The following MYT1L variants were observed in gnomAD, a reference collection of about 807,000 sequenced individuals.
MYT1L encodes the protein myelin transcription factor 1-like protein.
In MYT1L, 12 loss-of-function variants were observed where a neutral mutation model predicts 126.7. That is an observed-to-expected ratio of 0.09 (90% CI 0.06 to 0.15). The LOEUF (loss-of-function observed/expected upper bound fraction) is 0.15. Ranked by LOEUF, MYT1L falls within the 10% of genes least tolerant of loss-of-function variation. MYT1L has a pLI of 1.00. For synonymous variants in MYT1L, 541 were observed against 604.2 expected (o/e 0.90, Z 1.53); for missense variants, 979 against 1,585.2 (o/e 0.62, Z 6.49).
intron 3 of MYT1L, among the ~76,000 whole-genome samples, chr2:2,130,608 A>G (rs573812495): frequency 1.7e-3 from 266 of 152,310 alleles, no homozygotes; most frequent in Non-Finnish European, 2.8e-3. Flanking sequence ...ATTTTAAAAA[A>G]AGTGAGATAG....
chr2:2,108,024 A>G (rs1417150994), intron 3 of MYT1L, among the ~76,000 whole-genome samples: 1 of 152,176 alleles, frequency 6.6e-6, no homozygotes, highest in Non-Finnish European at 1.5e-5. Context: ...AATAAACCTC[A>G]CTACCTGAGC....
chr2:2,257,027 T>C (rs2094831417), intron 2 of MYT1L, among the ~76,000 whole-genome samples: 1 of 152,194 alleles, frequency 6.6e-6, no homozygotes, highest in African/African-American at 2.4e-5. Flanking sequence ...TTGCTTCACC[T>C]GGAGAGCTTA....
At chr2:1,866,428 CAGAGAGAGAGAGTGGGAG>C (rs1225183229) in intron 18 of MYT1L, among the ~76,000 whole-genome samples, 13 of 136,254 alleles carry the variant, frequency 9.5e-5, no homozygotes, top group Non-Finnish European at 1.6e-4. Context: ...AGGAGGCAGG[CAGAGAGAGAGAGTGGGAG>C]AGAGAGAGAG....
chr2:2,091,996 A>T (rs1334220387), intron 3 of MYT1L, among the ~76,000 whole-genome samples: 2 of 152,164 alleles, frequency 1.3e-5, no homozygotes, highest in African/African-American at 4.8e-5. Flanking sequence ...GACCGCTACA[A>T]CTTTCCCCAT....
At chr2:1,824,797 C>G (rs2039075769) in intron 21 of MYT1L, 1 of 152,244 alleles carries the variant, frequency 6.6e-6, no homozygotes, top group Admixed American at 6.5e-5. Flanking sequence ...TCTTCTTATG[C>G]ATTTTACCAC....
chr2:2,287,680 A>G (rs146663998), intron 1 of MYT1L, among the ~76,000 whole-genome samples: 125 of 152,312 alleles, frequency 8.2e-4, no homozygotes, highest in Non-Finnish European at 1.5e-3. Flanking sequence ...TTTATTTCTC[A>G]GTAAGAGCTT....
At chr2:2,004,780 AGGC>A (rs2062994206) in intron 4 of MYT1L, among the ~76,000 whole-genome samples, 1 of 141,094 alleles carries the variant, frequency 7.1e-6, no homozygotes, top group African/African-American at 2.7e-5. Context: ...TCTTTCCTGC[AGGC>A]ATTCTTTCCT....
chr2:2,321,699 A>C (rs1193265611), intron 1 of MYT1L, among the ~76,000 whole-genome samples: 1 of 152,144 alleles, frequency 6.6e-6, no homozygotes, highest in East Asian at 1.9e-4. Flanking sequence ...ATCTTTGTCA[A>C]TGTACTAAAA....
At position 1,832,326 on chromosome 2, in the gene MYT1L, C is replaced by A. The variant is rs530924606; in HGVS notation, c.3080+6823G>T. Among the ~76,000 whole-genome samples, 354 of 152,304 alleles carry A rather than the reference C, an allele frequency of 2.3e-3. 1 individual carries two copies. The highest frequency in any genetic ancestry group is 8.1e-3 in the African/African-American group (338 of 41,576). On this transcript the variant is annotated intron_variant, in intron 21 of 24. Coordinates refer to ENST00000647738, the MANE Select transcript of MYT1L (RefSeq NM_001303052.2). ...CTGGAACCTGATCTCAGACTTCCAG[C>A]CCAGGGACAGGGGATAGAGGTCAGT... is the stretch of plus-strand genomic sequence containing the variant.
At chr2:1,847,069 T>C (rs4473413) in intron 19 of MYT1L, among the ~76,000 whole-genome samples, 67,809 of 151,562 alleles carry the variant, frequency 0.45, 16,202 homozygotes, top group East Asian at 0.67. Context: ...AGACACTGTC[T>C]GGCCGTTTGA....
At chr2:2,243,150 G>A (rs2094470283) in intron 2 of MYT1L, among the ~76,000 whole-genome samples, 1 of 152,144 alleles carries the variant, frequency 6.6e-6, no homozygotes, top group Admixed American at 6.5e-5. Context: ...AAAACCAAAG[G>A]AGAAATCAGA....
intron 3 of MYT1L, among the ~76,000 whole-genome samples, chr2:2,070,379 G>C (rs1474472719): frequency 6.6e-6 from 1 of 152,196 alleles, no homozygotes; most frequent in Non-Finnish European, 1.5e-5. Context: ...TCTGTGCTGT[G>C]GGGTCGCTCA....
intron 18 of MYT1L, among the ~76,000 whole-genome samples, chr2:1,872,799 T>G (rs2046428290): frequency 6.6e-6 from 1 of 152,258 alleles, no homozygotes; most frequent in Non-Finnish European, 1.5e-5. Flanking sequence ...TAATAAATGC[T>G]TATACAGCTT....
intron 2 of MYT1L, among the ~76,000 whole-genome samples, chr2:2,265,312 C>CTT (rs199797506): frequency 1.4e-5 from 2 of 145,294 alleles, no homozygotes; most frequent in African/African-American, 5.0e-5. Flanking sequence ...CTGGCCCATC[C>CTT]TTTTTTTTTT....
chr2:2,111,431 C>T (rs1297326731), intron 3 of MYT1L, among the ~76,000 whole-genome samples: 1 of 152,202 alleles, frequency 6.6e-6, no homozygotes, highest in African/African-American at 2.4e-5. Flanking sequence ...GAGATTTTAG[C>T]AAACCCGATG....
At chr2:1,970,150 A>G (rs1210331731) in intron 8 of MYT1L, among the ~76,000 whole-genome samples, 1 of 152,032 alleles carries the variant, frequency 6.6e-6, no homozygotes, top group Non-Finnish European at 1.5e-5. Flanking sequence ...GCCAGAGGGG[A>G]CAGAAGAAAC....
chr2:1,851,800 G>T, intron 18 of MYT1L, 97 bp from the exon 19 acceptor site: 1 of 1,162,382 alleles, frequency 8.6e-7, no homozygotes, highest in Non-Finnish European at 1.3e-6. Flanking sequence ...TAACTCTATT[G>T]CTTCACTTCC....
intron 1 of MYT1L, chr2:2,325,402 A>C (rs534168696): frequency 6.6e-6 from 1 of 152,354 alleles, no homozygotes; most frequent in East Asian, 1.9e-4. Flanking sequence ...TGTCTAAGAA[A>C]GTTAAAACAT....
intron 2 of MYT1L, among the ~76,000 whole-genome samples, chr2:2,188,891 A>ATACGGCC (rs11283617): frequency 0.92 from 139,121 of 151,894 alleles, 63,922 homozygotes; most frequent in East Asian, 1. Context: ...GTCCTGCCAC[A>ATACGGCC]GTCTGATTTC....
Sources: allele counts gnomAD v4.1 joint callset (sites outside exome capture counted in the v4.1 genomes callset), GRCh38; gene constraint gnomAD v4.1.1; transcripts MANE v1.5; gene names NCBI Gene and HGNC (gene_info 2026-07-23, HGNC 2026-07-21).